Variants in USP53 observed in about 807,000 individuals in gnomAD.
USP53 encodes the protein ubiquitin specific peptidase 53, also known as ubiquitin carboxyl-terminal hydrolase 53.
Under a neutral mutation model 94.9 loss-of-function variants are expected in USP53, and 71 were observed. The ratio of observed to expected loss-of-function variants is 0.75; its 90% CI spans 0.62 to 0.91. The LOEUF (loss-of-function observed/expected upper bound fraction) is 0.91. USP53 is among the 40% of genes least tolerant of loss of function. The pLI is 0.00. For synonymous variants in USP53, 375 were observed against 422.7 expected (o/e 0.89, Z 1.39); for missense variants, 1,173 against 1,281.0 (o/e 0.92, Z 1.29).
intron 3 of USP53, chr4:119,219,183 A>G (rs1272198881): frequency 6.6e-6 from 1 of 152,212 alleles, no homozygotes; most frequent in East Asian, 1.9e-4. Context: ...GGCTGTTGTA[A>G]CAAAGAACCA....
At chr4:119,278,316 C>G (rs973963880) in intron 17 of USP53, among the ~76,000 whole-genome samples, 1 of 151,938 alleles carries the variant, frequency 6.6e-6, no homozygotes, top group East Asian at 1.9e-4. Context: ...AATCGGTCAG[C>G]ATTTGCTTGT....
Position 119,292,598 on chromosome 4 carries a change from T to TTGGGTTAAAGCCAGAAACTGCTCC in USP53, c.2611_2634dup (p.Gly871_Pro878dup). 1 of 1,614,116 alleles carries TTGGGTTAAAGCCAGAAACTGCTCC rather than the reference T, an allele frequency of 6.2e-7. No individual in the cohort carries two copies. The highest frequency in any genetic ancestry group is 8.5e-7 in the Non-Finnish European group (1 of 1,179,960). Reference sequence around the variant, plus strand: ...TTATGGTCTTCACACCTAAGAACTGTTGGGTTAAAGCCAGAAACTGCTCCT... The same window carrying TTGGGTTAAAGCCAGAAACTGCTCC: ...TTATGGTCTTCACACCTAAGAACTGTTGGGTTAAAGCCAGAAACTGCTCCTGGGTTAAAGCCAGAAACTGCTCCT... On this transcript the variant is annotated inframe_insertion, in exon 19 of 19. Coordinates refer to ENST00000692078, the MANE Select transcript of USP53 (RefSeq NM_001371395.1).
At chr4:119,247,052 A>C (rs979877742) in intron 6 of USP53, among the ~76,000 whole-genome samples, 1 of 152,148 alleles carries the variant, frequency 6.6e-6, no homozygotes, top group African/African-American at 2.4e-5. Flanking sequence ...TTTTAAGAAC[A>C]TGGCCAAATA....
At chr4:119,285,655 A>G (rs1158600772) in intron 17 of USP53, among the ~76,000 whole-genome samples, 1 of 151,970 alleles carries the variant, frequency 6.6e-6, no homozygotes, top group Admixed American at 6.6e-5. Context: ...AAATTTTGTC[A>G]GAAGTGTTTA....
chr4:119,259,886 A>G lies in USP53; in HGVS notation c.636A>G (p.Leu212=), dbSNP rs757557574. ...RFKPEMFAEL[L]QAANTTDDYR... ...AACCTGAAATGTTTGCAGAATTGCT[A>G]CAAGCAGCAAATACAACAGATGACT... The change falls in exon 10 of 19, where the codon CTA becomes CTG. Residue 212 remains leucine, a synonymous_variant. Coordinates refer to ENST00000692078, the MANE Select transcript of USP53 (RefSeq NM_001371395.1). 1.3e-5 allele frequency: 21 copies of G among 1,612,318 alleles called. No individual in the cohort carries two copies. The highest frequency in any genetic ancestry group is 1.1e-4 in the South Asian group (10 of 90,938).
chr4:119,255,693 C>T (rs959627079), intron 7 of USP53, among the ~76,000 whole-genome samples: 8 of 152,170 alleles, frequency 5.3e-5, no homozygotes, highest in African/African-American at 1.4e-4. Flanking sequence ...TCCCCTGACC[C>T]CTTGTGCTTC....
At chr4:119,222,430 A>G (rs1000772686) in intron 3 of USP53, among the ~76,000 whole-genome samples, 3 of 151,758 alleles carry the variant, frequency 2.0e-5, no homozygotes, top group Non-Finnish European at 2.9e-5. Context: ...ACATTGACCA[A>G]CCTCTCTTTA....
intron 17 of USP53, among the ~76,000 whole-genome samples, chr4:119,281,510 A>T (rs1471774217): frequency 6.6e-6 from 1 of 152,236 alleles, no homozygotes; most frequent in African/African-American, 2.4e-5. Context: ...TATTAAGGAA[A>T]TAACCTTCCT....
chr4:119,245,077 C>A (rs1004535538), intron 5 of USP53, among the ~76,000 whole-genome samples: 2 of 152,134 alleles, frequency 1.3e-5, no homozygotes, highest in African/African-American at 4.8e-5. Flanking sequence ...TGGTTTTTCC[C>A]TGCTCCATGC....
Position 119,271,691 on chromosome 4 carries a change from C to A in USP53, c.1831C>A (p.Pro611Thr), listed in dbSNP as rs776246464. The A allele has an allele frequency of 1.2e-6, 2 of 1,613,820 alleles. No individual in the cohort carries two copies. Among genetic ancestry groups the A allele is most frequent in the African/African-American group, 2.7e-5 (2 of 74,886 alleles). Residue 611 changes from proline to threonine, a missense_variant, in exon 16 of 19, where the codon CCA (proline) becomes ACA (threonine). Pro to Thr is a conservative substitution (Grantham distance 38). Coordinates refer to ENST00000692078, the MANE Select transcript of USP53 (RefSeq NM_001371395.1). ...EKRQHSPRHK[P>T]NISNKPKSSK... ...AAGACAGCATAGTCCAAGACATAAA[C>A]CAAATATCAGTAATAAGCCTAAATC...
intron 17 of USP53, among the ~76,000 whole-genome samples, chr4:119,281,344 A>G (rs952878027): frequency 2.7e-4 from 41 of 152,196 alleles, no homozygotes; most frequent in Admixed American, 1.2e-3. Flanking sequence ...TTCACAATAT[A>G]AAAGAGCAAT....
rs1055049897 is a variant in USP53 at position 119,260,338 on chromosome 4, ACTT to A, written c.676-165_676-163del. Among the ~76,000 whole-genome samples the A allele has an allele frequency of 2.0e-5, 3 of 151,586 alleles. No homozygotes were observed. The East Asian group carries it at 5.8e-4, about 29-fold the overall frequency. On this transcript the variant is annotated intron_variant, in intron 10 of 18. Coordinates refer to ENST00000692078, the MANE Select transcript of USP53 (RefSeq NM_001371395.1). ...CAAAGAATACTTTTATTTAAAATAAACTTCTTTTTTAATCAATAATTAAGACAA... is the reference window on the plus strand; with the variant it reads ...CAAAGAATACTTTTATTTAAAATAAACTTTTTTAATCAATAATTAAGACAA...
intron 3 of USP53, among the ~76,000 whole-genome samples, chr4:119,234,899 A>G (rs925332910): frequency 6.6e-6 from 1 of 152,122 alleles, no homozygotes; most frequent in Admixed American, 6.5e-5. Flanking sequence ...TCCCACAAAC[A>G]CTGTATTTTT....
intron 3 of USP53, among the ~76,000 whole-genome samples, chr4:119,223,946 T>C (rs570276357): frequency 1.0e-3 from 153 of 152,332 alleles, no homozygotes; most frequent in Non-Finnish European, 1.9e-3. Flanking sequence ...TAAGTACCTA[T>C]ATCTACATAT....
chr4:119,237,565 AAGAC>A (rs1746959365), intron 4 of USP53, among the ~76,000 whole-genome samples: 2 of 152,108 alleles, frequency 1.3e-5, no homozygotes, highest in Non-Finnish European at 2.9e-5. Context: ...AAAAAAAAAA[AAGAC>A]AGAATCAGCC....
Position 119,292,768 on chromosome 4 carries a change from A to G in USP53, c.2779A>G (p.Lys927Glu). 1 of 1,614,092 alleles carries G rather than the reference A, an allele frequency of 6.2e-7. No individual in the cohort carries two copies. Among genetic ancestry groups the G allele is most frequent in the South Asian group, 1.1e-5 (1 of 91,076 alleles). The change falls in exon 19 of 19, where the codon AAG (lysine) becomes GAG (glutamate). Residue 927 changes from lysine (K) to glutamate (E), a missense_variant. Transcript: ENST00000692078. ...CQNLPPPLPP[K>E]KYAITSVPQS... The stretch of plus-strand genomic sequence containing the variant: ...GAATCTACCACCCCCTTTGCCACCA[A>G]AGAAATATGCTATAACCAGTGTGCC...
chr4:119,247,728 A>G (rs1748442885), intron 6 of USP53, among the ~76,000 whole-genome samples: 1 of 152,206 alleles, frequency 6.6e-6, no homozygotes, highest in Non-Finnish European at 1.5e-5. Flanking sequence ...ACAGTCTCGC[A>G]TAGGATTAAA....
chr4:119,271,364 CA>C lies in USP53; in HGVS notation c.1505del (p.His502LeufsTer30), dbSNP rs767823921. ...TCCTGCCCCAAATGGTTTTAAACAACATGGGAATCCACATCTATATCATAGT... is the reference window on the plus strand; with the variant it reads ...TCCTGCCCCAAATGGTTTTAAACAACTGGGAATCCACATCTATATCATAGT... ...SPPAPNGFKQHGNPHLYHSQG... is the reference protein window; with the variant it reads ...SPPAPNGFKQXGNPHLYHSQG... On this transcript the variant is annotated frameshift_variant, in exon 16 of 19. Coordinates refer to ENST00000692078, the MANE Select transcript of USP53 (RefSeq NM_001371395.1). LOFTEE classifies it high-confidence loss of function. 6.2e-7 allele frequency: 1 copy of C among 1,610,246 alleles called. No homozygotes were observed. Among genetic ancestry groups the C allele is most frequent in the Admixed American group, 1.7e-5 (1 of 59,046 alleles).
At chr4:119,279,931 G>A (rs1056424711) in intron 17 of USP53, among the ~76,000 whole-genome samples, 4 of 152,196 alleles carry the variant, frequency 2.6e-5, no homozygotes, top group Non-Finnish European at 5.9e-5. Flanking sequence ...TGCTTCCCAG[G>A]TGAGGCAATG....
Sources: allele counts gnomAD v4.1 joint callset (sites outside exome capture counted in the v4.1 genomes callset), GRCh38; gene constraint gnomAD v4.1.1; transcripts MANE v1.5; gene names NCBI Gene and HGNC (gene_info 2026-07-23, HGNC 2026-07-21).